Variants in LHFPL4 observed in about 807,000 individuals in gnomAD.
LHFPL4 encodes LHFPL tetraspan subfamily member 4 protein.
A neutral mutation model predicts 20.0 loss-of-function variants in LHFPL4; 6 were observed. The ratio of observed to expected loss-of-function variants is 0.30; its 90% CI spans 0.16 to 0.59. The LOEUF (loss-of-function observed/expected upper bound fraction) is 0.59, where lower values mean the gene tolerates loss of function less well. Among genes scored for constraint, LHFPL4 ranks in the 20% least tolerant of loss-of-function variants. The probability of loss-of-function intolerance (pLI) is 0.88; values close to 1 mark genes in which losing one functional copy is unlikely to be tolerated. For missense variants in LHFPL4, 215 were observed against 331.2 expected (o/e 0.65, Z 2.72); for synonymous variants, 129 against 143.8 (o/e 0.90, Z 0.74).
In LHFPL4 at chr3:9,538,855, C is replaced by T. The variant is rs372728223; in HGVS notation, c.406+13419G>A. On this transcript the variant is annotated intron_variant, in intron 2 of 3. Transcript: ENST00000287585. ...CTGGGATTACAGGCATGCACCACCA[C>T]GCCCGGCTAATTTTTTGTATTTTTG... 7.2e-5 allele frequency among the ~76,000 whole-genome samples: 11 copies of T among 152,072 alleles called. No individual in the cohort carries two copies. The South Asian group carries it at 1.0e-3, about 14-fold the overall frequency.
rs184198081 is a variant in LHFPL4, at chr3:9,501,560, C to G, written c.*651G>C. 7.9e-5 allele frequency: 12 copies of G among 152,364 alleles called. No homozygotes were observed. The highest frequency in any genetic ancestry group is 2.9e-4 in the African/African-American group (12 of 41,442). The allele number at this position is 152,364 out of a possible 1,614,324, so 9.4% of individuals were successfully genotyped here. A position where few individuals can be genotyped will look rare whatever the true frequency, so the allele number is the denominator to read the frequency against. ...CAGAGCCTGAAAGTCTTTTCTGACTCTGGGCTGATCAGGGCCCCGGTCTGC... is the reference window on the plus strand; with the variant it reads ...CAGAGCCTGAAAGTCTTTTCTGACTGTGGGCTGATCAGGGCCCCGGTCTGC... On this transcript the variant is annotated 3_prime_UTR_variant, in exon 4 of 4. Coordinates refer to ENST00000287585, the MANE Select transcript of LHFPL4 (RefSeq NM_198560.3).
intron 2 of LHFPL4, among the ~76,000 whole-genome samples, chr3:9,529,276 C>T (rs909223917): frequency 2.0e-5 from 3 of 152,134 alleles, no homozygotes; most frequent in South Asian, 2.1e-4. Flanking sequence ...ATCCACCCAC[C>T]TTGGCCTCCC....
At chr3:9,535,446 A>C (rs1297999791) in intron 2 of LHFPL4, among the ~76,000 whole-genome samples, 2 of 152,108 alleles carry the variant, frequency 1.3e-5, no homozygotes, top group Non-Finnish European at 2.9e-5. Flanking sequence ...TCTAACCAGC[A>C]CTCTATACTG....
chr3:9,503,473 C>CT (rs2046193684), intron 3 of LHFPL4, among the ~76,000 whole-genome samples: 1 of 152,194 alleles, frequency 6.6e-6, no homozygotes, highest in Non-Finnish European at 1.5e-5. Flanking sequence ...GAACCTGCCT[C>CT]TGAGTACAGG....
chr3:9,506,244 G>T lies in LHFPL4; in HGVS notation c.407-41C>A. ...CCGGGCCCACCACCACGGTCAGGAA[G>T]GAAGAGAAAAGACCATTACTCGCTA... On this transcript the variant is annotated intron_variant, in intron 2 of 3. Coordinates refer to ENST00000287585, the MANE Select transcript of LHFPL4 (RefSeq NM_198560.3). The surrounding 1 kb of genome is among the most constrained non-coding windows in gnomAD (Gnocchi z 4.5). The T allele has an allele frequency of 6.5e-7, 1 of 1,539,616 alleles. No individual in the cohort carries two copies. The highest frequency in any genetic ancestry group is 9.0e-7 in the Non-Finnish European group (1 of 1,112,840).
intron 2 of LHFPL4, among the ~76,000 whole-genome samples, chr3:9,543,534 C>G (rs968453577): frequency 6.6e-6 from 1 of 151,624 alleles, no homozygotes; most frequent in Non-Finnish European, 1.5e-5. Flanking sequence ...AGTGGGTCCT[C>G]TAGCCCAGTT....
chr3:9,553,591 C>T (rs1574859664), intron 1 of LHFPL4, 94 bp downstream of exon 1: 1 of 118,248 alleles, frequency 8.5e-6, no homozygotes, highest in South Asian at 2.6e-4. Flanking sequence ...CGGCCGGGCC[C>T]GAGTAGGGCC....
chr3:9,502,618 G>A (rs554567368), intron 3 of LHFPL4, among the ~76,000 whole-genome samples: 16 of 151,652 alleles, frequency 1.1e-4, no homozygotes, highest in African/African-American at 1.9e-4. Flanking sequence ...CAGGAGAATC[G>A]CTTGAACCCA....
intron 2 of LHFPL4, 46 bp downstream of exon 2, chr3:9,552,228 C>G (rs543959985): frequency 3.9e-6 from 6 of 1,545,042 alleles, no homozygotes; most frequent in South Asian, 1.3e-5. Flanking sequence ...GAAGGAGCCC[C>G]GTCCCTGGCG....
rs1327235597 is a variant in LHFPL4, at chr3:9,506,595, G to A, written c.407-392C>T. Among the ~76,000 whole-genome samples the A allele has an allele frequency of 6.6e-6, 1 of 152,038 alleles. No individual in the cohort carries two copies. The highest frequency in any genetic ancestry group is 2.4e-5 in the African/African-American group (1 of 41,392). ...TATTATTATTGTTGTCGTTGTTGTT[G>A]TTTGAGACGGAGTCTCGCTCTGTTG... On this transcript the variant is annotated intron_variant, in intron 2 of 3. Coordinates refer to ENST00000287585, the MANE Select transcript of LHFPL4 (RefSeq NM_198560.3). This position sits in a 1 kb window ranked among gnomAD's most constrained non-coding sequence, Gnocchi z 4.5.
intron 2 of LHFPL4, among the ~76,000 whole-genome samples, chr3:9,510,608 G>A (rs1209470085): frequency 6.6e-6 from 1 of 151,966 alleles, no homozygotes; most frequent in Non-Finnish European, 1.5e-5. Flanking sequence ...GATGAACAAT[G>A]TTAATATTTT....
intron 2 of LHFPL4, among the ~76,000 whole-genome samples, chr3:9,549,093 G>A (rs1443955912): frequency 6.6e-6 from 1 of 152,144 alleles, no homozygotes. Flanking sequence ...ATAAACCCTA[G>A]CCTCTTTATT....
rs969655670 is a variant in LHFPL4, at chr3:9,516,931, C to T, written c.407-10728G>A. 3.9e-5 allele frequency among the ~76,000 whole-genome samples: 6 copies of T among 151,906 alleles called. No homozygotes were observed. The South Asian group carries it at 1.2e-3, about 32-fold the overall frequency. On this transcript the variant is annotated intron_variant, in intron 2 of 3. Transcript: ENST00000287585. Reference sequence around the variant, plus strand: ...AGTAGCTGGGATTAGGGGAGCCCGCCACCACGCCGGGCTGATTTTTTATAT... The same window carrying T: ...AGTAGCTGGGATTAGGGGAGCCCGCTACCACGCCGGGCTGATTTTTTATAT...
intron 2 of LHFPL4, among the ~76,000 whole-genome samples, chr3:9,529,285 C>A (rs1447812418): frequency 6.6e-6 from 1 of 152,144 alleles, no homozygotes; most frequent in Non-Finnish European, 1.5e-5. Flanking sequence ...CCTTGGCCTC[C>A]CAAAGTGCTG....
At chr3:9,539,721 G>C (rs1274486431) in intron 2 of LHFPL4, among the ~76,000 whole-genome samples, 1 of 152,066 alleles carries the variant, frequency 6.6e-6, no homozygotes, top group Non-Finnish European at 1.5e-5. Context: ...CTCACACACA[G>C]AAGGCTACCT....
Position 9,502,093 on chromosome 3 carries a change from T to C in LHFPL4, c.*118A>G. ...TCAAAGCCTGGAGCTTGCAGGGTAGTCGGTGAGAAGTAAGTCTGAGATCAG... is the reference window on the plus strand; with the variant it reads ...TCAAAGCCTGGAGCTTGCAGGGTAGCCGGTGAGAAGTAAGTCTGAGATCAG... On this transcript the variant is annotated 3_prime_UTR_variant, in exon 4 of 4. Transcript: ENST00000287585. The C allele has an allele frequency of 1.3e-6, 1 of 746,562 alleles. No homozygotes were observed. Among genetic ancestry groups the C allele is most frequent in the East Asian group, 2.7e-5 (1 of 37,432 alleles). The allele number at this position is 746,562 out of a possible 1,614,324, so 46.2% of individuals were successfully genotyped here.
chr3:9,523,338 G>A (rs1439023043), intron 2 of LHFPL4, among the ~76,000 whole-genome samples: 5 of 151,076 alleles, frequency 3.3e-5, no homozygotes, highest in Admixed American at 6.6e-5. Flanking sequence ...TGGAGATCGC[G>A]CCACTGGACT....
chr3:9,521,232 CT>C (rs34985785), intron 2 of LHFPL4, among the ~76,000 whole-genome samples: 153 of 139,330 alleles, frequency 1.1e-3, no homozygotes, highest in Admixed American at 1.6e-3. Context: ...TCTTCTTCTT[CT>C]TTTTTTTTTT....
chr3:9,504,986 G>A (rs1194265058), intron 3 of LHFPL4, among the ~76,000 whole-genome samples: 1 of 150,990 alleles, frequency 6.6e-6, no homozygotes, highest in Non-Finnish European at 1.5e-5. Flanking sequence ...TACATCCACT[G>A]TGGTACATAT....
Sources: gnomAD v4.1 joint callset for allele counts (sites outside exome capture counted in the v4.1 genomes callset) on GRCh38, gnomAD v4.1.1 for gene constraint, Gnocchi (gnomAD v3.1) non-coding constraint, MANE v1.5 for transcripts, NCBI Gene and HGNC (gene_info 2026-07-23, HGNC 2026-07-21) for gene names.